MCF2L: variants seen among roughly 807,000 people sequenced by gnomAD.
MCF2L encodes guanine nucleotide exchange factor DBS.
A neutral mutation model predicts 153.4 loss-of-function variants in MCF2L; 97 were observed. The ratio of observed to expected loss-of-function variants is 0.63; its 90% CI spans 0.54 to 0.75. The LOEUF (loss-of-function observed/expected upper bound fraction) is 0.75, where lower values mean the gene tolerates loss of function less well. Ranked by LOEUF, MCF2L falls within the 30% of genes least tolerant of loss-of-function variation. The pLI is 0.00. For synonymous variants in MCF2L, 659 were observed against 632.2 expected, an observed-to-expected ratio of 1.04 and a Z score of -0.64; for missense variants, 1,347 against 1,495.2, an observed-to-expected ratio of 0.90 and a Z score of 1.64.
chr13:113,090,378 G>A (rs2035087198), intron 26 of MCF2L: 2 of 985,460 alleles, frequency 2.0e-6, no homozygotes, highest in Non-Finnish European at 1.2e-6. Context: ...TTTTCAAATG[G>A]AGGCTTGCTC....
At position 113,088,640 on chromosome 13, in the gene MCF2L, C is replaced by A; in HGVS notation, c.2834+12C>A. 1 of 1,603,094 alleles carries A rather than the reference C, an allele frequency of 6.2e-7. No individual in the cohort carries two copies. Among genetic ancestry groups the A allele is most frequent in the East Asian group, 2.2e-5 (1 of 44,774 alleles). ...CCGACCAGCACCAGGTGAGAATGGA[C>A]ACGCTGCCGCAGGCCTGCGTTTCTG... On this transcript the variant is annotated intron_variant, in intron 25 of 29. Transcript: ENST00000535094.
chr13:113,015,162 G>A (rs2084425872), intron 2 of MCF2L, among the ~76,000 whole-genome samples: 1 of 152,196 alleles, frequency 6.6e-6, no homozygotes, highest in Non-Finnish European at 1.5e-5. Context: ...CCGAGCCCAT[G>A]GGCCTCAGTG....
chr13:112,940,003 G>A (rs554575591), intron 2 of MCF2L, among the ~76,000 whole-genome samples: 16 of 151,844 alleles, frequency 1.1e-4, no homozygotes, highest in South Asian at 4.2e-4. Flanking sequence ...GGTGCAGAGC[G>A]GGCTTACAGG....
At chr13:113,088,729 G>A (rs1016335218) in intron 25 of MCF2L, 101 bp downstream of exon 25, 59 of 1,239,110 alleles carry the variant, frequency 4.8e-5, no homozygotes, top group Non-Finnish European at 6.4e-5. Context: ...GGACCCTGTG[G>A]TTATTGGGGT....
At chr13:113,038,584 T>C (rs1463743236) in intron 3 of MCF2L, among the ~76,000 whole-genome samples, 1 of 152,094 alleles carries the variant, frequency 6.6e-6, no homozygotes, top group Non-Finnish European at 1.5e-5. Context: ...AATAAACATA[T>C]AGATCGAATG....
Position 113,053,521 on chromosome 13 carries a change from T to C in MCF2L, c.370-7072T>C, listed in dbSNP as rs1379999285. Among the ~76,000 whole-genome samples the C allele has an allele frequency of 6.6e-6, 1 of 152,182 alleles. No individual in the cohort carries two copies. Among genetic ancestry groups the C allele is most frequent in the Non-Finnish European group, 1.5e-5 (1 of 68,030 alleles). ...CCGTGATTGGGGCGGTGTTGTGTGC[T>C]CAGACGGCCAAGGAGGCGTCCGGAT... On this transcript the variant is annotated intron_variant, in intron 4 of 29. Transcript: ENST00000535094. The surrounding 1 kb of genome is among the most constrained non-coding windows in gnomAD (Gnocchi z 4.4).
chr13:112,894,546 C>A (rs529266026), intron 1 of MCF2L: 1 of 152,142 alleles, frequency 6.6e-6, no homozygotes, highest in African/African-American at 2.4e-5. Context: ...TCCCCCGCGT[C>A]CCCCTTAGCC....
intron 1 of MCF2L, among the ~76,000 whole-genome samples, chr13:112,988,292 G>A (rs1007644845): frequency 6.6e-6 from 1 of 152,060 alleles, no homozygotes; most frequent in Non-Finnish European, 1.5e-5. Context: ...AAGCACCTTT[G>A]GGGTACAGCC....
chr13:112,999,159 C>T (rs773184333), intron 1 of MCF2L, among the ~76,000 whole-genome samples: 10 of 152,248 alleles, frequency 6.6e-5, no homozygotes, highest in Non-Finnish European at 1.5e-4. Flanking sequence ...AGGTCCTCCC[C>T]GGCTTGGGGC....
At chr13:113,083,926 G>A (rs1458883701) in intron 17 of MCF2L, 72 bp from the exon 18 acceptor site, 27 of 1,099,142 alleles carry the variant, frequency 2.5e-5, no homozygotes, top group South Asian at 1.2e-4. Context: ...GAAAAATGAC[G>A]TCCATCCACT....
intron 1 of MCF2L, chr13:112,985,156 G>A (rs893888984): frequency 3.3e-5 from 10 of 306,370 alleles, no homozygotes; most frequent in South Asian, 5.3e-5. Flanking sequence ...ACGGTGTGTC[G>A]CCTGGACCTG....
chr13:112,927,790 G>A (rs1179630007), intron 2 of MCF2L, among the ~76,000 whole-genome samples: 4 of 152,042 alleles, frequency 2.6e-5, no homozygotes, highest in Non-Finnish European at 5.9e-5. Context: ...GGGCGTAATC[G>A]ACAAAACCCA....
chr13:113,044,484 A>T (rs2086679756), intron 3 of MCF2L: 1 of 686,454 alleles, frequency 1.5e-6, no homozygotes, highest in Non-Finnish European at 2.4e-6. Context: ...AACCTAGGAC[A>T]TGTTCAGAGA....
At chr13:113,013,027 G>T (rs576594533) in intron 1 of MCF2L, among the ~76,000 whole-genome samples, 1 of 152,210 alleles carries the variant, frequency 6.6e-6, no homozygotes, top group Admixed American at 6.5e-5. Flanking sequence ...GGTCTGTGAG[G>T]CAGGCAGGGG....
intron 2 of MCF2L, among the ~76,000 whole-genome samples, chr13:112,914,603 G>T (rs2081271421): frequency 1.3e-5 from 2 of 152,226 alleles, no homozygotes. Flanking sequence ...CCCTGCAGAG[G>T]TGTCTGATGG....
chr13:112,946,882 G>A (rs1043557054), intron 2 of MCF2L, among the ~76,000 whole-genome samples: 6 of 152,162 alleles, frequency 3.9e-5, no homozygotes, highest in African/African-American at 1.4e-4. Context: ...GCACACACAG[G>A]ACAACTCTGA....
chr13:113,050,301 T>TGA (rs1566802154), intron 4 of MCF2L, among the ~76,000 whole-genome samples: 42 of 151,832 alleles, frequency 2.8e-4, no homozygotes, highest in African/African-American at 8.9e-4. Context: ...TGTGTGTGTG[T>TGA]GAGAGTGAGT....
chr13:112,915,168 G>A (rs1224358460), intron 2 of MCF2L, among the ~76,000 whole-genome samples: 2 of 151,850 alleles, frequency 1.3e-5, no homozygotes, highest in Non-Finnish European at 2.9e-5. Context: ...CCAGCACTTT[G>A]GGAGGCTGAG....
chr13:112,908,287 G>A (rs2081192931), intron 2 of MCF2L, among the ~76,000 whole-genome samples: 2 of 152,206 alleles, frequency 1.3e-5, no homozygotes, highest in African/African-American at 4.8e-5. Flanking sequence ...AGCTTGCACA[G>A]GGGACCTCTG....
Sources: gnomAD v4.1 joint callset for allele counts (sites outside exome capture counted in the v4.1 genomes callset) on GRCh38, gnomAD v4.1.1 for gene constraint, Gnocchi (gnomAD v3.1) non-coding constraint, MANE v1.5 for transcripts, NCBI Gene and HGNC (gene_info 2026-07-23, HGNC 2026-07-21) for gene names.